Variants in C3orf49 observed in about 807,000 individuals in gnomAD.
The protein encoded by C3orf49 is chromosome 3 open reading frame 49.
C3orf49 carries 27 observed loss-of-function variants against 13.3 expected under a neutral mutation model. That is an observed-to-expected ratio of 2.02 (90% CI 1.49 to 2.79). C3orf49 has a LOEUF of 2.79. Among genes scored for constraint, C3orf49 ranks in the 30% most tolerant of loss-of-function variants. The pLI is 0.00. For synonymous variants in C3orf49, 87 were observed against 47.6 expected (o/e 1.83, Z -3.40); for missense variants, 242 against 134.2 (o/e 1.80, Z -3.97).
intron 1 of C3orf49, among the ~76,000 whole-genome samples, chr3:63,822,355 T>G (rs1482930812): frequency 6.6e-6 from 1 of 152,170 alleles, no homozygotes; most frequent in African/African-American, 2.4e-5. Context: ...ACACCGAAAT[T>G]TCATGGATAT....
intron 5 of C3orf49, 80 bp from the exon 6 acceptor site, chr3:63,844,943 G>T: frequency 1.7e-6 from 1 of 594,886 alleles, no homozygotes; most frequent in Non-Finnish European, 3.1e-6. Context: ...ATGTGGAAGC[G>T]GCAAGTGTTG....
chr3:63,827,937 CAACAGTGGATGGAGTTTGGATTTTTAT>C lies in C3orf49; in HGVS notation c.570+216_570+242del, dbSNP rs531543894. Among the ~76,000 whole-genome samples the C allele has an allele frequency of 3.8e-4, 58 of 152,254 alleles. No homozygotes were observed. In the East Asian group the frequency reaches 8.7e-3, roughly 23 times the overall value. ...CTGTTCAGCTTCTACTACATCTGGG[CAACAGTGGATGGAGTTTGGATTTTTAT>C]AACTGACTTTCTCACTCTTCAAATG... On this transcript the variant is annotated intron_variant, in intron 3 of 6. Transcript: ENST00000295896.
chr3:63,786,388 T>C, the C3orf49 span, among the ~76,000 whole-genome samples: 1 of 152,188 alleles, frequency 6.6e-6, no homozygotes, highest in South Asian at 2.1e-4. Flanking sequence ...TTCAGTATGT[T>C]ATCTGAACAT....
intron 5 of C3orf49, among the ~76,000 whole-genome samples, chr3:63,843,615 T>C (rs1027533646): frequency 2.6e-5 from 4 of 151,534 alleles, no homozygotes; most frequent in African/African-American, 9.7e-5. Context: ...TTAAAAAAAA[T>C]GTGGGCTGGG....
the C3orf49 span, among the ~76,000 whole-genome samples, chr3:63,801,987 C>A: frequency 6.6e-6 from 1 of 152,306 alleles, no homozygotes; most frequent in African/African-American, 2.4e-5. Context: ...ATTCTTTACA[C>A]TGGGAGAAAA....
At chr3:63,792,174 C>T in the C3orf49 span, among the ~76,000 whole-genome samples, 3 of 152,220 alleles carry the variant, frequency 2.0e-5, no homozygotes, top group African/African-American at 7.2e-5. Flanking sequence ...TACAAACTTG[C>T]ATGCCATCTT....
intron 5 of C3orf49, among the ~76,000 whole-genome samples, chr3:63,833,183 G>A (rs1701557128): frequency 6.7e-6 from 1 of 149,722 alleles, no homozygotes; most frequent in Non-Finnish European, 1.5e-5. Context: ...CACAACCTTC[G>A]CCTCCTGGGT....
intron 4 of C3orf49, among the ~76,000 whole-genome samples, 196 bp from the exon 5 acceptor site, chr3:63,831,484 A>T (rs992907959): frequency 6.6e-6 from 1 of 152,202 alleles, no homozygotes; most frequent in Non-Finnish European, 1.5e-5. Flanking sequence ...AGAAGAACTG[A>T]GATTGTCTTT....
chr3:63,831,933 G>A (rs1259830922), intron 5 of C3orf49, 89 bp downstream of exon 5: 11 of 615,948 alleles, frequency 1.8e-5, no homozygotes, highest in Admixed American at 2.8e-5. Flanking sequence ...GGTGGCTCAC[G>A]CCTGTAATCT....
intron 5 of C3orf49, chr3:63,836,306 T>C: frequency 6.2e-7 from 1 of 1,612,494 alleles, no homozygotes; most frequent in Non-Finnish European, 8.5e-7. Flanking sequence ...CTTACTTTAA[T>C]GTCTCATGCC....
the C3orf49 span, among the ~76,000 whole-genome samples, chr3:63,811,144 G>A: frequency 1.3e-5 from 2 of 151,968 alleles, no homozygotes; most frequent in Admixed American, 6.6e-5. Context: ...CACCATATTC[G>A]GTCCAAACTG....
At chr3:63,787,409 C>G in the C3orf49 span, among the ~76,000 whole-genome samples, 46 of 152,256 alleles carry the variant, frequency 3.0e-4, no homozygotes, top group Admixed American at 1.8e-3. Context: ...TTAAAAGATG[C>G]TTGCATTTAT....
the C3orf49 span, among the ~76,000 whole-genome samples, chr3:63,783,565 C>G: frequency 7.5e-6 from 1 of 134,108 alleles, no homozygotes; most frequent in African/African-American, 2.8e-5. Flanking sequence ...CACACACACA[C>G]AAATTAGCCA....
the C3orf49 span, among the ~76,000 whole-genome samples, chr3:63,794,198 CAT>C: frequency 6.6e-6 from 1 of 151,590 alleles, no homozygotes; most frequent in African/African-American, 2.4e-5. Flanking sequence ...CACACACACA[CAT>C]TGTTGGAAGG....
At chr3:63,805,872 G>T in the C3orf49 span, among the ~76,000 whole-genome samples, 1 of 152,194 alleles carries the variant, frequency 6.6e-6, no homozygotes, top group African/African-American at 2.4e-5. Context: ...CTGCTCACAA[G>T]ATGCACAGAA....
At chr3:63,784,453 C>T in the C3orf49 span, among the ~76,000 whole-genome samples, 1 of 152,080 alleles carries the variant, frequency 6.6e-6, no homozygotes, top group Non-Finnish European at 1.5e-5. Flanking sequence ...TCATGGGGCA[C>T]AGCAGTGGAA....
chr3:63,817,839 C>A (rs894913539), upstream of C3orf49, among the ~76,000 whole-genome samples: 26 of 152,238 alleles, frequency 1.7e-4, no homozygotes, highest in African/African-American at 6.3e-4. Flanking sequence ...AAATAAAAAA[C>A]AGCTGTCTTT....
the C3orf49 span, among the ~76,000 whole-genome samples, chr3:63,811,624 A>C: frequency 1.3e-5 from 2 of 151,652 alleles, no homozygotes; most frequent in African/African-American, 4.8e-5. Flanking sequence ...GCTCACACCT[A>C]TAGTCCCGAC....
At chr3:63,846,893 A>G (rs1331878803) in intron 6 of C3orf49, among the ~76,000 whole-genome samples, 1 of 152,168 alleles carries the variant, frequency 6.6e-6, no homozygotes, top group Non-Finnish European at 1.5e-5. Flanking sequence ...AAGACTGCAA[A>G]TTACAGTTTG....
Sources: gnomAD v4.1 joint callset for allele counts (sites outside exome capture counted in the v4.1 genomes callset) on GRCh38, gnomAD v4.1.1 for gene constraint, MANE v1.5 for transcripts, NCBI Gene and HGNC (gene_info 2026-07-23, HGNC 2026-07-21) for gene names.